Variants in DPYD observed in about 807,000 individuals in gnomAD.
DPYD encodes dihydropyrimidine dehydrogenase [NADP(+)].
In DPYD, 109 loss-of-function variants were observed where a neutral mutation model predicts 116.2. The observed-to-expected ratio is 0.94, with a 90% CI of 0.80 to 1.10. DPYD has a LOEUF of 1.10. Among genes scored for constraint, DPYD ranks in the 50% least tolerant of loss-of-function variants. The pLI is 0.00. For missense variants in DPYD, 1,302 were observed against 1,254.5 expected (o/e 1.04, Z -0.57); for synonymous variants, 440 against 432.0 (o/e 1.02, Z -0.23).
At chr1:97,153,781 A>G (rs1655208507) in intron 20 of DPYD, among the ~76,000 whole-genome samples, 1 of 152,144 alleles carries the variant, frequency 6.6e-6, no homozygotes, top group African/African-American at 2.4e-5. Context: ...GAAGCTACAA[A>G]GAACTGAAAC....
At chr1:97,674,002 T>C (rs566204722) in intron 8 of DPYD, among the ~76,000 whole-genome samples, 1 of 152,110 alleles carries the variant, frequency 6.6e-6, no homozygotes, top group African/African-American at 2.4e-5. Context: ...AAGAAGAGCC[T>C]TGAAAACCTT....
At chr1:97,664,579 A>T (rs1659451473) in intron 8 of DPYD, among the ~76,000 whole-genome samples, 2 of 152,046 alleles carry the variant, frequency 1.3e-5, no homozygotes, top group African/African-American at 4.8e-5. Context: ...GGGTATAAAA[A>T]CTATAAGTCA....
chr1:97,879,872 A>C (rs1453287286), intron 2 of DPYD, among the ~76,000 whole-genome samples: 1 of 151,856 alleles, frequency 6.6e-6, no homozygotes. Context: ...AGATGCTTCG[A>C]GCACCAAAGA....
intron 18 of DPYD, among the ~76,000 whole-genome samples, chr1:97,294,256 C>T (rs1224017596): frequency 1.3e-5 from 2 of 152,126 alleles, no homozygotes; most frequent in African/African-American, 4.8e-5. Flanking sequence ...CATATCATGA[C>T]AGATATGTGC....
chr1:97,900,971 T>C (rs550886178), intron 1 of DPYD, among the ~76,000 whole-genome samples: 1 of 151,980 alleles, frequency 6.6e-6, no homozygotes, highest in Admixed American at 6.6e-5. Flanking sequence ...GTTTAGCAAC[T>C]TTTTATCAAA....
At chr1:97,236,861 T>C (rs139683260) in intron 18 of DPYD, among the ~76,000 whole-genome samples, 4 of 152,294 alleles carry the variant, frequency 2.6e-5, no homozygotes, top group South Asian at 2.1e-4. Context: ...AGTGGATATA[T>C]TGAGTATCTC....
Position 97,789,580 on chromosome 1 carries a change from G to A in DPYD, c.233+38534C>T, listed in dbSNP as rs201887709. The stretch of plus-strand genomic sequence containing the variant: ...CAGAAAATAAGTCATATTATTTATT[G>A]TAGATGATAAGGAAAATTTTAAATA... On this transcript the variant is annotated intron_variant, in intron 3 of 22. Transcript: ENST00000370192. Among the ~76,000 whole-genome samples the A allele has an allele frequency of 7.2e-5, 11 of 152,250 alleles. No individual in the cohort carries two copies. The East Asian group carries it at 1.9e-3, about 27-fold the overall frequency.
chr1:97,130,343 T>C (rs114829396), intron 20 of DPYD, among the ~76,000 whole-genome samples: 3,637 of 152,242 alleles, frequency 0.024, 60 homozygotes, highest in African/African-American at 0.024. Flanking sequence ...GTATCTTCTT[T>C]GTATGGACAC....
At chr1:97,462,454 C>A (rs1476618496) in intron 13 of DPYD, among the ~76,000 whole-genome samples, 2 of 151,626 alleles carry the variant, frequency 1.3e-5, no homozygotes, top group Admixed American at 6.6e-5. Flanking sequence ...ATGAATAGGC[C>A]CCCTCCTCTC....
intron 19 of DPYD, among the ~76,000 whole-genome samples, chr1:97,218,200 T>C (rs764701540): frequency 6.6e-6 from 1 of 152,080 alleles, no homozygotes; most frequent in Non-Finnish European, 1.5e-5. Context: ...AACAACAGGG[T>C]TACATTACAA....
At chr1:97,872,985 C>T (rs925477356) in intron 2 of DPYD, among the ~76,000 whole-genome samples, 7 of 151,814 alleles carry the variant, frequency 4.6e-5, no homozygotes, top group African/African-American at 1.7e-4. Flanking sequence ...TTCCTTCCCT[C>T]CTTCATCTTT....
intron 11 of DPYD, among the ~76,000 whole-genome samples, chr1:97,571,975 C>G (rs1652930720): frequency 6.6e-6 from 1 of 151,900 alleles, no homozygotes; most frequent in African/African-American, 2.4e-5. Flanking sequence ...GCCAGCTCCC[C>G]TCTCACTTGG....
At position 97,422,476 on chromosome 1, in the gene DPYD, A is replaced by G. The variant is rs546041134; in HGVS notation, c.1905+27583T>C. ...AGTAGACTGACCTAGGAGAAGACCA[A>G]GAATGTACCAAACAAAGGAGAGGTA... On this transcript the variant is annotated intron_variant, in intron 14 of 22. Coordinates refer to ENST00000370192, the MANE Select transcript of DPYD (RefSeq NM_000110.4). Among the ~76,000 whole-genome samples the G allele has an allele frequency of 4.6e-5, 7 of 152,308 alleles. No individual in the cohort carries two copies. In the East Asian group the frequency reaches 1.4e-3, roughly 29 times the overall value.
intron 13 of DPYD, among the ~76,000 whole-genome samples, chr1:97,472,658 G>T (rs957221628): frequency 6.6e-6 from 1 of 152,142 alleles, no homozygotes; most frequent in South Asian, 2.1e-4. Flanking sequence ...CTTTGTATTT[G>T]TGTGACTACT....
intron 14 of DPYD, among the ~76,000 whole-genome samples, chr1:97,447,536 G>T (rs1027555925): frequency 6.6e-6 from 1 of 152,130 alleles, no homozygotes; most frequent in Non-Finnish European, 1.5e-5. Flanking sequence ...TAGGAATACA[G>T]AAAAAGAATG....
At chr1:97,465,865 C>A (rs984022588) in intron 13 of DPYD, among the ~76,000 whole-genome samples, 35 of 152,286 alleles carry the variant, frequency 2.3e-4, no homozygotes, top group African/African-American at 7.9e-4. Context: ...AGGCTCTTAA[C>A]CTCACCAAAA....
intron 13 of DPYD, among the ~76,000 whole-genome samples, chr1:97,500,792 CT>C (rs1679534292): frequency 6.6e-6 from 1 of 152,018 alleles, no homozygotes; most frequent in Non-Finnish European, 1.5e-5. Flanking sequence ...AATGACAACC[CT>C]TTTGTTTCCA....
In DPYD at chr1:97,689,343, G is replaced by A. The variant is rs114740597; in HGVS notation, c.762+2374C>T. 5.8e-3 allele frequency among the ~76,000 whole-genome samples: 883 copies of A among 152,006 alleles called. 13 individuals carry two copies. Among genetic ancestry groups the A allele is most frequent in the African/African-American group, 0.02 (837 of 41,514 alleles). ...GGTTATGTTATTTGGATGATAATAC[G>A]CTTATTAAACTACTAAGTATACAGG... On this transcript the variant is annotated intron_variant, in intron 7 of 22. Coordinates refer to ENST00000370192, the MANE Select transcript of DPYD (RefSeq NM_000110.4).
intron 14 of DPYD, among the ~76,000 whole-genome samples, chr1:97,401,257 C>T (rs572776674): frequency 1.2e-4 from 18 of 152,140 alleles, no homozygotes; most frequent in Admixed American, 7.9e-4. Context: ...TTCTCCCAGT[C>T]GGTGGCTTGT....
Sources: gnomAD v4.1 joint callset for allele counts (sites outside exome capture counted in the v4.1 genomes callset) on GRCh38, gnomAD v4.1.1 for gene constraint, MANE v1.5 for transcripts, NCBI Gene and HGNC (gene_info 2026-07-23, HGNC 2026-07-21) for gene names.